GRM6: variants seen among roughly 807,000 people sequenced by gnomAD.
GRM6 encodes the protein glutamate metabotropic receptor 6.
In GRM6, 73 loss-of-function variants were observed where a neutral mutation model predicts 78.4. That is an observed-to-expected ratio of 0.93 (90% CI 0.77 to 1.13). The LOEUF is 1.13. GRM6 is among the 50% of genes most tolerant of loss of function. GRM6 has a pLI of 0.00. For missense variants in GRM6, 1,251 were observed against 1,256.4 expected, an observed-to-expected ratio of 1.00 and a Z score of 0.07; for synonymous variants, 580 against 555.0, an observed-to-expected ratio of 1.05 and a Z score of -0.63.
chr5:178,986,935 C>T lies in GRM6; in HGVS notation c.1403G>A (p.Gly468Glu), dbSNP rs896302201. The T allele has an allele frequency of 1.2e-6, 2 of 1,613,992 alleles. No homozygotes were observed. Among genetic ancestry groups the T allele is most frequent in the African/African-American group, 2.7e-5 (2 of 74,924 alleles). ...CTGGTACTGGAAGATGTCGTACCGC[C>T]CGGGCGCATCTCCGTTCTCGTTGAA... ...VMFNENGDAPGRYDIFQYQAT... is the reference protein window; with the variant it reads ...VMFNENGDAPERYDIFQYQAT... The change falls in exon 8 of 11, where the codon GGG becomes GAG. Residue 468 changes from glycine to glutamate, a missense_variant. Transcript: ENST00000517717.
In GRM6 at chr5:178,991,225, C is replaced by G. The variant is rs1760664702; in HGVS notation, c.857+199G>C. ...ACACATGTTCTGTGCGCTATTCAGT[C>G]TGGGCTTGTGGCATCTCCCCAGACC... On this transcript the variant is annotated intron_variant, in intron 4 of 10. Coordinates refer to ENST00000517717, the MANE Select transcript of GRM6 (RefSeq NM_000843.4). The surrounding 1 kb of genome is among the most constrained non-coding windows in gnomAD (Gnocchi z 5.0). Among the ~76,000 whole-genome samples the G allele has an allele frequency of 6.6e-6, 1 of 152,092 alleles. No individual in the cohort carries two copies. Among genetic ancestry groups the G allele is most frequent in the Non-Finnish European group, 1.5e-5 (1 of 68,016 alleles).
intron 6 of GRM6, 32 bp downstream of exon 6, chr5:178,989,229 ACCCT>A: frequency 1.1e-6 from 1 of 926,750 alleles, no homozygotes; most frequent in Non-Finnish European, 1.5e-6. Context: ...CACCCTCCCC[ACCCT>A]CCCCACCCTC....
At chr5:178,987,030 G>A (rs1304481954) in intron 7 of GRM6, 47 bp from the exon 8 acceptor site, 1 of 1,597,900 alleles carries the variant, frequency 6.3e-7, no homozygotes. Flanking sequence ...GCCCAGCAGA[G>A]CTGGCCTCCT....
chr5:178,994,350 T>C lies in GRM6; in HGVS notation c.504+91A>G, dbSNP rs2645330. On this transcript the variant is annotated intron_variant, in intron 2 of 10. Coordinates refer to ENST00000517717, the MANE Select transcript of GRM6 (RefSeq NM_000843.4). ...TCGAGTGATTAAAACGGAGACTCTT[T>C]CAGAAGAAGTAAAGGAAGGAGACTT... 629,575 of 1,137,630 alleles carry C rather than the reference T, an allele frequency of 0.55. 175,961 individuals carry two copies. The highest frequency in any genetic ancestry group is 0.56 in the Non-Finnish European group (479,460 of 848,984). The allele number at this position is 1,137,630 out of a possible 1,614,324, so 70.5% of individuals were successfully genotyped here. A position where few individuals can be genotyped will look rare whatever the true frequency, so the allele number is the denominator to read the frequency against.
In GRM6 at chr5:178,989,020, G is replaced by A. The variant is rs750905756; in HGVS notation, c.1269C>T (p.Cys423=). The change falls in exon 7 of 11, where the codon TGC becomes TGT. Residue 423 remains cysteine (C), a synonymous_variant. Transcript: ENST00000517717. Reference sequence around the variant, plus strand: ...CCGGGCACAGGCCTGTGTGCCCAGGGCAGAGCGCCTGGTGCATGCTGTGGA... The same window carrying A: ...CCGGGCACAGGCCTGTGTGCCCAGGACAGAGCGCCTGGTGCATGCTGTGGA... ...HALHSMHQAL[C]PGHTGLCPAM... 3 of 1,613,974 alleles carry A rather than the reference G, an allele frequency of 1.9e-6. No homozygotes were observed. The highest frequency in any genetic ancestry group is 1.1e-5 in the South Asian group (1 of 91,076).
At position 178,991,673 on chromosome 5, in the gene GRM6, G is replaced by C; in HGVS notation, c.722-114C>G. 7.6e-7 allele frequency: 1 copy of C among 1,318,786 alleles called. No individual in the cohort carries two copies. The highest frequency in any genetic ancestry group is 1.2e-5 in the South Asian group (1 of 84,774). 81.7% of individuals were successfully genotyped at this position (1,318,786 alleles called of 1,614,324 possible). Reference sequence around the variant, plus strand: ...TGAAGGGTCTGCAGGGGTGAAGTCTGGCCTGCACCCTCCGCCAAGCCTGAG... The same window carrying C: ...TGAAGGGTCTGCAGGGGTGAAGTCTCGCCTGCACCCTCCGCCAAGCCTGAG... On this transcript the variant is annotated intron_variant, in intron 3 of 10. Transcript: ENST00000517717. This position sits in a 1 kb window ranked among gnomAD's most constrained non-coding sequence, Gnocchi z 5.0.
chr5:178,987,064 G>A, intron 7 of GRM6, 81 bp from the exon 8 acceptor site: 8 of 1,391,598 alleles, frequency 5.7e-6, no homozygotes, highest in Non-Finnish European at 8.0e-6. Flanking sequence ...GGACCAGCAG[G>A]AGAAAGGAGG....
rs1760691292 is a variant in GRM6, at chr5:178,992,195, C to T, written c.505-112G>A. 1.3e-6 allele frequency: 1 copy of T among 758,808 alleles called. No homozygotes were observed. The highest frequency in any genetic ancestry group is 2.3e-6 in the Non-Finnish European group (1 of 437,652). 47.0% of individuals were successfully genotyped at this position (758,808 alleles called of 1,614,324 possible). On this transcript the variant is annotated intron_variant, in intron 2 of 10. Transcript: ENST00000517717. The surrounding 1 kb of genome is among the most constrained non-coding windows in gnomAD (Gnocchi z 4.9). ...GGCACAGAAGGTGTGTGGCATGGAC[C>T]TGGGACACAGATGGGAGATGGAAGG...
intron 10 of GRM6, among the ~76,000 whole-genome samples, chr5:178,982,379 A>T (rs1378821257): frequency 6.6e-6 from 1 of 152,106 alleles, no homozygotes; most frequent in Non-Finnish European, 1.5e-5. Flanking sequence ...AGAATTTGAG[A>T]CCAGTCTGAC....
In GRM6 at chr5:178,985,312, G is replaced by A. The variant is rs1760489774; in HGVS notation, c.2124+818C>T. 4 of 454,010 alleles carry A rather than the reference G, an allele frequency of 8.8e-6. No individual in the cohort carries two copies. In the East Asian group the frequency reaches 2.1e-4, roughly 24 times the overall value. 28.1% of individuals were successfully genotyped at this position (454,010 alleles called of 1,614,324 possible). A position where few individuals can be genotyped will look rare whatever the true frequency, so the allele number is the denominator to read the frequency against. On this transcript the variant is annotated intron_variant, in intron 9 of 10. Transcript: ENST00000517717. Reference sequence around the variant, plus strand: ...GGAGGCCCACACTCCCCACCTGACTGCCCCGTTTTCCTTCAAGGACCCAGC... The same window carrying A: ...GGAGGCCCACACTCCCCACCTGACTACCCCGTTTTCCTTCAAGGACCCAGC...
intron 9 of GRM6, chr5:178,985,701 TAA>T (rs780167139): frequency 2.1e-4 from 74 of 348,978 alleles, no homozygotes; most frequent in East Asian, 1.2e-3. Flanking sequence ...AGACTCTGTC[TAA>T]AAAAAAAAAA....
Position 178,981,295 on chromosome 5 carries a change from T to C in GRM6, c.*362A>G. On this transcript the variant is annotated 3_prime_UTR_variant, in exon 11 of 11. Coordinates refer to ENST00000517717, the MANE Select transcript of GRM6 (RefSeq NM_000843.4). The surrounding 1 kb of genome is among the most constrained non-coding windows in gnomAD (Gnocchi z 5.1). ...CTGCCCAATCCCCAGGTTATGGGGG[T>C]TGACTGAGGGGAGGAAATCTCCCGC... 1 of 267,042 alleles carries C rather than the reference T, an allele frequency of 3.7e-6. No homozygotes were observed. Among genetic ancestry groups the C allele is most frequent in the Non-Finnish European group, 7.3e-6 (1 of 137,474 alleles). 16.5% of individuals were successfully genotyped at this position (267,042 alleles called of 1,614,324 possible).
chr5:178,992,095 G>T lies in GRM6; in HGVS notation c.505-12C>A, dbSNP rs780097077. On this transcript the variant is annotated splice_polypyrimidine_tract_variant and intron_variant, in intron 2 of 10. Transcript: ENST00000517717. The surrounding 1 kb of genome is among the most constrained non-coding windows in gnomAD (Gnocchi z 4.9). ...CTGATCTGGGGTATCTGTGGGGCAG[G>T]AAGGACAGCTGGGCTGTGGATGGAG... is the stretch of plus-strand genomic sequence containing the variant. 1.9e-5 allele frequency: 31 copies of T among 1,599,626 alleles called. 2 individuals carry two copies. The South Asian group carries it at 3.3e-4, about 17-fold the overall frequency.
chr5:178,990,881 C>T lies in GRM6; in HGVS notation c.858-135G>A, dbSNP rs941838143. The T allele has an allele frequency of 6.5e-5, 51 of 789,236 alleles. No homozygotes were observed. The African/African-American group carries it at 7.3e-4, about 11-fold the overall frequency. The allele number at this position is 789,236 out of a possible 1,614,324, so 48.9% of individuals were successfully genotyped here. A position where few individuals can be genotyped will look rare whatever the true frequency, so the allele number is the denominator to read the frequency against. ...CCTTGTTTCTCAGGAAAAACGGGGC[C>T]GGGGGCATTTAGGGCACCTTCCCTG... is the stretch of plus-strand genomic sequence containing the variant. On this transcript the variant is annotated intron_variant, in intron 4 of 10. Coordinates refer to ENST00000517717, the MANE Select transcript of GRM6 (RefSeq NM_000843.4).
rs1272956569 is a variant in GRM6, at chr5:178,988,171, G to A, written c.1354+764C>T. Among the ~76,000 whole-genome samples, 1 of 152,138 alleles carries A rather than the reference G, an allele frequency of 6.6e-6. No individual in the cohort carries two copies. Among genetic ancestry groups the A allele is most frequent in the Non-Finnish European group, 1.5e-5 (1 of 68,038 alleles). ...AAATGAAAAAAGTTTCACTGTCCAG[G>A]CGAGAGGATGAGTTCAGACACGGAG... On this transcript the variant is annotated intron_variant, in intron 7 of 10. Transcript: ENST00000517717. The surrounding 1 kb of genome is among the most constrained non-coding windows in gnomAD (Gnocchi z 6.0).
At position 178,986,411 on chromosome 5, in the gene GRM6, T is replaced by G; in HGVS notation, c.1843A>C (p.Ile615Leu). Reference sequence around the variant, plus strand: ...AGCTCTCGGCCCGAGGCCCGGACGATGGGCGTGTTGTTGTACCGCACGAAG... The same window carrying G: ...AGCTCTCGGCCCGAGGCCCGGACGAGGGGCGTGTTGTTGTACCGCACGAAG... Reference protein sequence around the residue: ...ATFVRYNNTPIVRASGRELSY... With the variant: ...ATFVRYNNTPLVRASGRELSY... Residue 615 changes from isoleucine (I) to leucine (L), a missense_variant, in exon 9 of 11, where the codon ATC becomes CTC. Transcript: ENST00000517717. The G allele has an allele frequency of 6.2e-7, 1 of 1,613,740 alleles. No individual in the cohort carries two copies. The highest frequency in any genetic ancestry group is 1.7e-4 in the Middle Eastern group (1 of 6,052).
In GRM6 at chr5:178,979,370, TG is replaced by T. The variant is rs1301115872; in HGVS notation, c.*2286del. The stretch of plus-strand genomic sequence containing the variant: ...GAAAATTCTGGAAGGAGAGAAACCT[TG>T]TGAAGGTACTAAATATGACAACATC... On this transcript the variant is annotated 3_prime_UTR_variant, in exon 11 of 11. Transcript: ENST00000517717. 6 of 152,320 alleles carry T rather than the reference TG, an allele frequency of 3.9e-5. No homozygotes were observed. In the East Asian group the frequency reaches 1.2e-3, roughly 29 times the overall value. The allele number at this position is 152,320 out of a possible 1,614,324, so 9.4% of individuals were successfully genotyped here. A position where few individuals can be genotyped will look rare whatever the true frequency, so the allele number is the denominator to read the frequency against.
chr5:178,985,924 G>A (rs1422720459), intron 9 of GRM6, among the ~76,000 whole-genome samples: 3 of 152,028 alleles, frequency 2.0e-5, no homozygotes, highest in Non-Finnish European at 4.4e-5. Flanking sequence ...ACCATGCCTG[G>A]CTAATTTTCA....
chr5:178,994,480 G>A lies in GRM6; in HGVS notation c.465C>T (p.Ser155=), dbSNP rs560013977. 83 of 1,466,648 alleles carry A rather than the reference G, an allele frequency of 5.7e-5. No homozygotes were observed. The African/African-American group carries it at 9.7e-4, about 17-fold the overall frequency. The allele number at this position is 1,466,648 out of a possible 1,614,324, so 90.9% of individuals were successfully genotyped here. A position where few individuals can be genotyped will look rare whatever the true frequency, so the allele number is the denominator to read the frequency against. ...GCACGTTGGCGACCATGATGGAGAC[G>A]GAGCTGGCCGAGGCGCCCACGACGG... ...VVAVVGASAS[S]VSIMVANVLR... Residue 155 remains serine (S), a synonymous_variant, in exon 2 of 11, where the codon TCC becomes TCT. Transcript: ENST00000517717.
Sources: gnomAD v4.1 joint callset for allele counts (sites outside exome capture counted in the v4.1 genomes callset) on GRCh38, gnomAD v4.1.1 for gene constraint, Gnocchi (gnomAD v3.1) non-coding constraint, MANE v1.5 for transcripts, NCBI Gene and HGNC (gene_info 2026-07-23, HGNC 2026-07-21) for gene names.